Variants in CLPB observed in about 807,000 individuals in gnomAD.
CLPB encodes ClpB family mitochondrial disaggregase, also known as mitochondrial disaggregase.
Under a neutral mutation model 78.4 loss-of-function variants are expected in CLPB, and 40 were observed. The ratio of observed to expected loss-of-function variants is 0.51; its 90% CI spans 0.40 to 0.66. CLPB has a LOEUF of 0.66. Among genes scored for constraint, CLPB ranks in the 30% least tolerant of loss-of-function variants. The probability of loss-of-function intolerance (pLI) is 0.00; values close to 1 mark genes in which losing one functional copy is unlikely to be tolerated. For synonymous variants in CLPB, 333 were observed against 348.0 expected (o/e 0.96, Z 0.48); for missense variants, 780 against 886.9 (o/e 0.88, Z 1.53).
chr11:72,326,895 C>T (rs188057113), intron 6 of CLPB, among the ~76,000 whole-genome samples: 1 of 152,332 alleles, frequency 6.6e-6, no homozygotes, highest in Non-Finnish European at 1.5e-5. Flanking sequence ...CAAGTAGATG[C>T]TGAACAACTC....
chr11:72,429,643 G>A (rs1856488375), intron 2 of CLPB, among the ~76,000 whole-genome samples: 1 of 152,226 alleles, frequency 6.6e-6, no homozygotes, highest in Admixed American at 6.5e-5. Context: ...CAACAGCCCT[G>A]TAACTGATGC....
At chr11:72,301,313 G>A (rs1303070983) in intron 11 of CLPB, among the ~76,000 whole-genome samples, 1 of 152,138 alleles carries the variant, frequency 6.6e-6, no homozygotes, top group Non-Finnish European at 1.5e-5. Context: ...ACCATTAGCA[G>A]CAACAATATT....
At chr11:72,365,580 CAA>C (rs1418126420) in intron 4 of CLPB, among the ~76,000 whole-genome samples, 2 of 150,682 alleles carry the variant, frequency 1.3e-5, no homozygotes, top group Non-Finnish European at 2.9e-5. Context: ...CATATAGAAC[CAA>C]AAAGAGTCCA....
chr11:72,331,350 G>A (rs564448421), intron 5 of CLPB, among the ~76,000 whole-genome samples: 11 of 151,162 alleles, frequency 7.3e-5, no homozygotes, highest in South Asian at 2.1e-4. Flanking sequence ...CTTGCAGTGA[G>A]CAGAGATCGC....
intron 2 of CLPB, among the ~76,000 whole-genome samples, chr11:72,416,103 C>A (rs76324022): frequency 6.6e-6 from 1 of 152,210 alleles, no homozygotes; most frequent in Non-Finnish European, 1.5e-5. Flanking sequence ...GACAGCCCAT[C>A]ATGTGCCAAG....
At chr11:72,389,891 C>A (rs1277588547) in intron 3 of CLPB, among the ~76,000 whole-genome samples, 1 of 151,380 alleles carries the variant, frequency 6.6e-6, no homozygotes, top group Non-Finnish European at 1.5e-5. Context: ...CTAGCCTGGG[C>A]AGGAAAAAAA....
At chr11:72,301,765 G>A (rs1366887858) in intron 11 of CLPB, 38 bp downstream of exon 11, 2 of 1,598,418 alleles carry the variant, frequency 1.3e-6, no homozygotes, top group Non-Finnish European at 1.7e-6. Flanking sequence ...CTTATCTCCA[G>A]GTGTCCCCCC....
At chr11:72,407,938 C>T (rs1016745495) in intron 2 of CLPB, among the ~76,000 whole-genome samples, 6 of 151,838 alleles carry the variant, frequency 4.0e-5, no homozygotes, top group East Asian at 1.9e-4. Context: ...TGAGCCACCG[C>T]GCCCAGCCTC....
chr11:72,320,875 G>C (rs571753285), intron 6 of CLPB, among the ~76,000 whole-genome samples: 1 of 152,168 alleles, frequency 6.6e-6, no homozygotes, highest in African/African-American at 2.4e-5. Context: ...ACCACGCCCA[G>C]CTAGTTTTTA....
chr11:72,370,027 G>C (rs1358676964), intron 4 of CLPB, among the ~76,000 whole-genome samples: 29 of 152,140 alleles, frequency 1.9e-4, no homozygotes, highest in Non-Finnish European at 1.2e-4. Context: ...GCGTCAGGGG[G>C]AGCCTCAGCC....
At chr11:72,423,306 C>A (rs1468296915) in intron 2 of CLPB, among the ~76,000 whole-genome samples, 3 of 150,748 alleles carry the variant, frequency 2.0e-5, no homozygotes, top group African/African-American at 7.3e-5. Context: ...CCTCAGGGAT[C>A]CACATCTCGG....
intron 2 of CLPB, among the ~76,000 whole-genome samples, chr11:72,420,431 T>C (rs1856159543): frequency 1.3e-5 from 2 of 151,878 alleles, no homozygotes; most frequent in Admixed American, 6.6e-5. Flanking sequence ...GAGGCAGAGG[T>C]TGCAGTGAGC....
Position 72,356,234 on chromosome 11 carries a change from C to T in CLPB, c.775+2646G>A, listed in dbSNP as rs549372042. Among the ~76,000 whole-genome samples, 39 of 150,494 alleles carry T rather than the reference C, an allele frequency of 2.6e-4. No individual in the cohort carries two copies. In the South Asian group the frequency reaches 6.7e-3, roughly 26 times the overall value. ...CGGAGGTTGTGGCAAGCCGAGATCG[C>T]GCCATTGCACTCCAGCCTGGGCAAT... On this transcript the variant is annotated intron_variant, in intron 5 of 15. Transcript: ENST00000538039.
At chr11:72,427,388 C>A (rs1432136133) in intron 2 of CLPB, among the ~76,000 whole-genome samples, 1 of 152,128 alleles carries the variant, frequency 6.6e-6, no homozygotes, top group Non-Finnish European at 1.5e-5. Flanking sequence ...TATTATTGAC[C>A]ATATCAATCA....
intron 2 of CLPB, among the ~76,000 whole-genome samples, chr11:72,408,520 A>G (rs1855777261): frequency 6.6e-6 from 1 of 151,988 alleles, no homozygotes; most frequent in Non-Finnish European, 1.5e-5. Flanking sequence ...ACAAAAAATT[A>G]GCCGGGTGTG....
At chr11:72,409,926 G>T (rs779196704) in intron 2 of CLPB, among the ~76,000 whole-genome samples, 47 of 151,952 alleles carry the variant, frequency 3.1e-4, no homozygotes, top group Admixed American at 1.6e-3. Context: ...GCAGTGAGCC[G>T]GGATTGTGCC....
intron 3 of CLPB, among the ~76,000 whole-genome samples, chr11:72,384,989 C>T (rs1422071666): frequency 2.0e-5 from 3 of 152,074 alleles, no homozygotes; most frequent in African/African-American, 2.4e-5. Flanking sequence ...ACAGGTCATC[C>T]AGAAAGAAAA....
chr11:72,325,137 A>G (rs951965107), intron 6 of CLPB, among the ~76,000 whole-genome samples: 1 of 152,042 alleles, frequency 6.6e-6, no homozygotes, highest in Non-Finnish European at 1.5e-5. Flanking sequence ...ATAGCTCCAC[A>G]TATTTTTGTT....
rs1772139747 is a variant in CLPB, at chr11:72,286,230, T to TTG, written c.*7136_*7137insCA. On this transcript the variant is annotated 3_prime_UTR_variant, in exon 16 of 16. Transcript: ENST00000538039. ...GTGTGAGATACTGCACCTGTTTTTT[T>TTG]TTTTTTTTTTTTTTTTAAGAGATAG... 7.5e-6 allele frequency: 1 copy of TTG among 134,076 alleles called. No individual in the cohort carries two copies. The highest frequency in any genetic ancestry group is 2.0e-4 in the East Asian group (1 of 4,926). The allele number at this position is 134,076 out of a possible 1,614,324, so 8.3% of individuals were successfully genotyped here. A position where few individuals can be genotyped will look rare whatever the true frequency, so the allele number is the denominator to read the frequency against.
Sources: allele counts gnomAD v4.1 joint callset (sites outside exome capture counted in the v4.1 genomes callset), GRCh38; gene constraint gnomAD v4.1.1; transcripts MANE v1.5; gene names NCBI Gene and HGNC (gene_info 2026-07-23, HGNC 2026-07-21).